ABCB7: variants seen among roughly 807,000 people sequenced by gnomAD.
ABCB7 encodes iron-sulfur clusters transporter ABCB7, mitochondrial.
In ABCB7, 7 loss-of-function variants were observed where a neutral mutation model predicts 54.4. The observed-to-expected ratio is 0.13, with a 90% CI of 0.07 to 0.24. The LOEUF is 0.24. Among genes scored for constraint, ABCB7 ranks in the 10% least tolerant of loss-of-function variants. The pLI, the probability that ABCB7 is intolerant of heterozygous loss-of-function variation, is 1.00. For synonymous variants in ABCB7, 218 were observed against 207.1 expected (o/e 1.05, Z -0.45); for missense variants, 356 against 570.4 (o/e 0.62, Z 3.83).
At chrX:75,072,405 AGATGG>A (rs1190963810) in intron 8 of ABCB7, among the ~76,000 whole-genome samples, 7 of 111,813 alleles carry the variant, frequency 6.3e-5, no homozygotes, top group Non-Finnish European at 1.3e-4. Flanking sequence ...ACACAAACCT[AGATGG>A]TATAGTCTAC....
chrX:75,112,743 TTAATA>T lies in ABCB7; in HGVS notation c.333+138_333+142del, dbSNP rs760851046. 1.6e-3 allele frequency: 674 copies of T among 434,501 alleles called. 4 individuals carry two copies. The African/African-American group carries it at 0.017, about 11-fold the overall frequency. The allele number at this position is 434,501 out of a possible 1,213,427, so 35.8% of individuals were successfully genotyped here. Reference sequence around the variant, plus strand: ...AATATCATCTATAAACTATGGTCAATTAATATGTTTTTTTTTTCATTAGAGAACAT... The same window carrying T: ...AATATCATCTATAAACTATGGTCAATTGTTTTTTTTTTCATTAGAGAACAT... On this transcript the variant is annotated intron_variant, in intron 3 of 15. Coordinates refer to ENST00000373394, the MANE Select transcript of ABCB7 (RefSeq NM_001271696.3).
intron 3 of ABCB7, among the ~76,000 whole-genome samples, chrX:75,105,176 T>C (rs1003188950): frequency 2.7e-5 from 3 of 110,916 alleles, no homozygotes; most frequent in Non-Finnish European, 5.7e-5. Flanking sequence ...GAGTCCTAGC[T>C]ACAGCAATCA....
Position 75,075,656 on chromosome X carries a change from T to C in ABCB7, c.587-26A>G, listed in dbSNP as rs184127983. On this transcript the variant is annotated intron_variant, in intron 5 of 15. Coordinates refer to ENST00000373394, the MANE Select transcript of ABCB7 (RefSeq NM_001271696.3). Reference sequence around the variant, plus strand: ...CTAACAATACATTCAAAAGAAAAAATAGGATGTAACAATATTAGAATCAAA... The same window carrying C: ...CTAACAATACATTCAAAAGAAAAAACAGGATGTAACAATATTAGAATCAAA... The C allele has an allele frequency of 1.6e-5, 19 of 1,181,904 alleles. No homozygotes were observed. In the African/African-American group the frequency reaches 1.8e-4, roughly 11 times the overall value.
chrX:75,055,120 T>C (rs2081226678), intron 15 of ABCB7, among the ~76,000 whole-genome samples: 1 of 111,585 alleles, frequency 9.0e-6, no homozygotes, highest in Admixed American at 9.5e-5. Context: ...TGTTCTCAGG[T>C]CATTCCTTTA....
At chrX:75,104,835 A>G (rs765388228) in intron 3 of ABCB7, among the ~76,000 whole-genome samples, 1 of 111,912 alleles carries the variant, frequency 8.9e-6, no homozygotes, top group Non-Finnish European at 1.9e-5. Flanking sequence ...CAACAGCACA[A>G]GATAAAGATA....
At chrX:75,077,457 A>G (rs971541397) in intron 4 of ABCB7, among the ~76,000 whole-genome samples, 3 of 112,405 alleles carry the variant, frequency 2.7e-5, no homozygotes, top group Non-Finnish European at 5.6e-5. Context: ...TAGTATCCAA[A>G]ACATCAACCA....
At chrX:75,106,898 A>T (rs922139467) in intron 3 of ABCB7, among the ~76,000 whole-genome samples, 6 of 111,442 alleles carry the variant, frequency 5.4e-5, no homozygotes, top group African/African-American at 2.0e-4. Flanking sequence ...AAACACCTTC[A>T]TAAGAATCAA....
intron 1 of ABCB7, among the ~76,000 whole-genome samples, chrX:75,153,977 C>T (rs2147590266): frequency 9.1e-6 from 1 of 109,374 alleles, no homozygotes; most frequent in Admixed American, 9.9e-5. Context: ...TAATGATCGT[C>T]CTAAAAGTAT....
intron 4 of ABCB7, among the ~76,000 whole-genome samples, chrX:75,087,754 G>A (rs981353840): frequency 4.5e-5 from 5 of 111,958 alleles, no homozygotes; most frequent in Admixed American, 2.8e-4. Flanking sequence ...TATAAACATG[G>A]AAAGGTATGA....
intron 4 of ABCB7, among the ~76,000 whole-genome samples, chrX:75,093,677 GA>G (rs2081562317): frequency 9.3e-6 from 1 of 107,697 alleles, no homozygotes. Context: ...GCATTCTGGA[GA>G]AAAAAAGGGG....
intron 3 of ABCB7, among the ~76,000 whole-genome samples, chrX:75,104,935 A>G (rs2081678591): frequency 8.9e-6 from 1 of 112,273 alleles, no homozygotes; most frequent in African/African-American, 3.2e-5. Flanking sequence ...AGAATTAAAA[A>G]CAAAAACCAT....
chrX:75,104,500 A>G (rs1190955305), intron 3 of ABCB7, among the ~76,000 whole-genome samples: 2 of 110,484 alleles, frequency 1.8e-5, no homozygotes, highest in African/African-American at 6.6e-5. Context: ...GAGGAAAAAA[A>G]CAGAAATACA....
chrX:75,103,517 C>T (rs772932653), intron 3 of ABCB7, among the ~76,000 whole-genome samples: 2 of 111,328 alleles, frequency 1.8e-5, no homozygotes, highest in East Asian at 2.8e-4. Flanking sequence ...GTTACTATAG[C>T]GTTATAATAT....
In ABCB7 at chrX:75,088,833, A is replaced by G; in HGVS notation, c.453+10109T>C. 4.1e-5 allele frequency among the ~76,000 whole-genome samples: 4 copies of G among 98,704 alleles called. 1 individual carries two copies. Among genetic ancestry groups the G allele is most frequent in the Middle Eastern group, 4.9e-3 (1 of 206 alleles). The allele number at this position is 98,704 out of a possible 115,157, so 85.7% of individuals were successfully genotyped here. A position where few individuals can be genotyped will look rare whatever the true frequency, so the allele number is the denominator to read the frequency against. ...TTAGAGGACACCACGTAGAAAAAAC[A>G]AAACAAAAGAAACAAAAAAAAAAAC... On this transcript the variant is annotated intron_variant, in intron 4 of 15. Transcript: ENST00000373394.
rs760827837 is a variant in ABCB7, at chrX:75,147,164, A to C, written c.168+8941T>G. On this transcript the variant is annotated intron_variant, in intron 1 of 15. Coordinates refer to ENST00000373394, the MANE Select transcript of ABCB7 (RefSeq NM_001271696.3). ...ATGGCTAGTATTAAAAAGTCAAAAA[A>C]TAACAGATGCTGGTGAGGTTATGAA... is the stretch of plus-strand genomic sequence containing the variant. 2.7e-5 allele frequency among the ~76,000 whole-genome samples: 3 copies of C among 111,729 alleles called. No homozygotes were observed. In the East Asian group the frequency reaches 8.5e-4, roughly 31 times the overall value.
At chrX:75,074,172 T>G (rs900938125) in intron 6 of ABCB7, among the ~76,000 whole-genome samples, 2 of 111,414 alleles carry the variant, frequency 1.8e-5, no homozygotes, top group African/African-American at 3.3e-5. Context: ...ACATCAGTAG[T>G]ACCATCAAAT....
intron 1 of ABCB7, among the ~76,000 whole-genome samples, chrX:75,137,380 C>T (rs943628518): frequency 5.3e-5 from 6 of 112,249 alleles, no homozygotes; most frequent in Non-Finnish European, 9.4e-5. Flanking sequence ...CAAAAAATGA[C>T]AGATGTTAGC....
chrX:75,058,725 T>C (rs999237760), intron 15 of ABCB7, among the ~76,000 whole-genome samples: 2 of 111,492 alleles, frequency 1.8e-5, no homozygotes, highest in African/African-American at 3.3e-5. Context: ...AGTGTATAGA[T>C]ACTGTGAATT....
At chrX:75,109,564 G>C (rs753806833) in intron 3 of ABCB7, among the ~76,000 whole-genome samples, 1 of 111,350 alleles carries the variant, frequency 9.0e-6, no homozygotes, top group South Asian at 3.8e-4. Flanking sequence ...TAAGAATTCT[G>C]GTTTTACAGA....
Sources: allele counts gnomAD v4.1 joint callset (sites outside exome capture counted in the v4.1 genomes callset), GRCh38; gene constraint gnomAD v4.1.1; transcripts MANE v1.5; gene names NCBI Gene and HGNC (gene_info 2026-07-23, HGNC 2026-07-21).